CCS: variants seen among roughly 807,000 people sequenced by gnomAD.
The protein encoded by CCS is superoxide dismutase copper chaperone.
A neutral mutation model predicts 35.5 loss-of-function variants in CCS; 32 were observed. The ratio of observed to expected loss-of-function variants is 0.90; its 90% CI spans 0.68 to 1.21. CCS has a LOEUF of 1.21. Ranked by LOEUF, CCS falls within the 50% of genes most tolerant of loss-of-function variation. The probability of loss-of-function intolerance (pLI) is 0.00; values close to 1 mark genes in which losing one functional copy is unlikely to be tolerated. For synonymous variants in CCS, 130 were observed against 147.2 expected, an observed-to-expected ratio of 0.88 and a Z score of 0.84; for missense variants, 342 against 375.4, an observed-to-expected ratio of 0.91 and a Z score of 0.73.
rs549083639 is a variant in CCS, at chr11:66,600,381, TTGAA to T, written c.429-83_429-80del. 2.0e-3 allele frequency: 1,392 copies of T among 689,458 alleles called. 2 individuals are homozygous for T. Among genetic ancestry groups the T allele is most frequent in the South Asian group, 0.011 (426 of 38,800 alleles). The allele number at this position is 689,458 out of a possible 1,614,324, so 42.7% of individuals were successfully genotyped here. On this transcript the variant is annotated intron_variant, in intron 4 of 7. Coordinates refer to ENST00000533244, the MANE Select transcript of CCS (RefSeq NM_005125.2). ...GCCCAGCACAGAGTAGGCCTGTTTG[TTGAA>T]TGAATGAATGAATGAATGAATGAAG...
At chr11:66,594,043 C>G (rs908777293) in intron 2 of CCS, among the ~76,000 whole-genome samples, 3 of 152,162 alleles carry the variant, frequency 2.0e-5, no homozygotes, top group African/African-American at 7.2e-5. Context: ...AACAGCAGCT[C>G]AGGCCCTATA....
intron 2 of CCS, among the ~76,000 whole-genome samples, chr11:66,594,231 C>T (rs1858434488): frequency 6.6e-6 from 1 of 152,046 alleles, no homozygotes; most frequent in Non-Finnish European, 1.5e-5. Context: ...TGGTGGTGGG[C>T]GCCTGTAGTC....
chr11:66,595,903 G>A (rs1858468729), intron 2 of CCS, among the ~76,000 whole-genome samples: 1 of 152,156 alleles, frequency 6.6e-6, no homozygotes, highest in Non-Finnish European at 1.5e-5. Context: ...GAGGGTCTGG[G>A]AACCCTCCTA....
intron 4 of CCS, 131 bp from the exon 5 acceptor site, chr11:66,600,358 C>G (rs1028398734): frequency 5.6e-6 from 3 of 539,308 alleles, no homozygotes; most frequent in Non-Finnish European, 6.3e-6. Context: ...TACCCAAAGC[C>G]CAGCACAGAG....
intron 2 of CCS, among the ~76,000 whole-genome samples, chr11:66,596,677 G>A (rs1254766611): frequency 6.6e-6 from 1 of 152,196 alleles, no homozygotes; most frequent in East Asian, 1.9e-4. Flanking sequence ...ACCGCGCCCG[G>A]CCGACAACTG....
chr11:66,595,781 C>G (rs1858467453), intron 2 of CCS, among the ~76,000 whole-genome samples: 1 of 152,138 alleles, frequency 6.6e-6, no homozygotes, highest in East Asian at 1.9e-4. Flanking sequence ...GGCTGCTTGG[C>G]TAAGGTACCA....
At chr11:66,593,399 G>T in intron 1 of CCS, 99 bp downstream of exon 1, 1 of 1,298,898 alleles carries the variant, frequency 7.7e-7, no homozygotes. Context: ...GGGCACTTGG[G>T]TTGGGGCCTG....
chr11:66,599,778 C>A, intron 4 of CCS, 142 bp downstream of exon 4: 1 of 791,680 alleles, frequency 1.3e-6, no homozygotes, highest in Non-Finnish European at 2.0e-6. Flanking sequence ...AAATGACTTG[C>A]CAAAGGTCCA....
chr11:66,599,183 G>T lies in CCS; in HGVS notation c.180G>T (p.Gln60His), dbSNP rs1565060472. The T allele has an allele frequency of 1.2e-6, 2 of 1,613,780 alleles. No individual in the cohort carries two copies. The highest frequency in any genetic ancestry group is 1.7e-6 in the Non-Finnish European group (2 of 1,179,722). The change falls in exon 3 of 8, where the codon CAG (glutamine) becomes CAT (histidine). Residue 60 changes from glutamine (Q) to histidine (H), a missense_variant. Coordinates refer to ENST00000533244, the MANE Select transcript of CCS (RefSeq NM_005125.2). ...TGGTACACACCACTCTACCCAGCCA[G>T]GAGGTGCAGGCTCTCCTGGAAGGCA... is the stretch of plus-strand genomic sequence containing the variant. The part of the protein sequence containing the change: ...MVLVHTTLPS[Q>H]EVQALLEGTG...
intron 5 of CCS, among the ~76,000 whole-genome samples, chr11:66,602,828 A>G (rs1377515362): frequency 1.3e-5 from 2 of 152,240 alleles, no homozygotes; most frequent in East Asian, 3.8e-4. Context: ...TTAGACAAGG[A>G]AGAACTGAGC....
rs374462395 is a variant in CCS, at chr11:66,598,281, G to A, written c.113-835G>A. On this transcript the variant is annotated intron_variant, in intron 2 of 7. Transcript: ENST00000533244. ...CTTTGGGAGACTGAGGCAGGCAGATGACCTGAGGTCAGGAGTTCGAGAGCA... is the reference window on the plus strand; with the variant it reads ...CTTTGGGAGACTGAGGCAGGCAGATAACCTGAGGTCAGGAGTTCGAGAGCA... 2.0e-5 allele frequency among the ~76,000 whole-genome samples: 3 copies of A among 151,588 alleles called. No individual in the cohort carries two copies. In the South Asian group the frequency reaches 6.3e-4, roughly 32 times the overall value.
At chr11:66,600,878 G>C (rs1858562160) in intron 5 of CCS, among the ~76,000 whole-genome samples, 1 of 152,170 alleles carries the variant, frequency 6.6e-6, no homozygotes. Context: ...TCATCTGCCT[G>C]AGGGGCAGGG....
chr11:66,595,992 C>T (rs919241735), intron 2 of CCS, among the ~76,000 whole-genome samples: 2 of 152,172 alleles, frequency 1.3e-5, no homozygotes, highest in Non-Finnish European at 2.9e-5. Context: ...TCCAGGCCAC[C>T]CCACCTCTCC....
chr11:66,593,650 CG>C lies in CCS; in HGVS notation c.49del (p.Ala17ArgfsTer4). On this transcript the variant is annotated frameshift_variant, in exon 2 of 8. Coordinates refer to ENST00000533244, the MANE Select transcript of CCS (RefSeq NM_005125.2). LOFTEE classifies it high-confidence loss of function. ...NQGTLCTLEF[A>X]VQMTCQSCVD... ...CCCTGCCGCCCTTGCAGTTGGAGTT[CG>C]CGGTGCAGATGACCTGTCAGAGCTG... 1.2e-6 allele frequency: 2 copies of C among 1,613,852 alleles called. No individual in the cohort carries two copies. The highest frequency in any genetic ancestry group is 1.7e-6 in the Non-Finnish European group (2 of 1,179,994).
In CCS at chr11:66,593,572, A is replaced by C. The variant is rs548374979; in HGVS notation, c.40-70A>C. ...CAGACCCTTGCGGTGGTCATAGGGT[A>C]GGTGGTGAAACAAAGTCATACCAAG... On this transcript the variant is annotated intron_variant, in intron 1 of 7. Coordinates refer to ENST00000533244, the MANE Select transcript of CCS (RefSeq NM_005125.2). 1,119 of 1,486,786 alleles carry C rather than the reference A, an allele frequency of 7.5e-4. 1 individual carries two copies. The highest frequency in any genetic ancestry group is 9.7e-4 in the Non-Finnish European group (1,046 of 1,075,674). The allele number at this position is 1,486,786 out of a possible 1,614,324, so 92.1% of individuals were successfully genotyped here. A position where few individuals can be genotyped will look rare whatever the true frequency, so the allele number is the denominator to read the frequency against.
rs901108390 is a variant in CCS, at chr11:66,600,513, T to C, written c.453T>C (p.Asp151=). Residue 151 remains aspartate (D), a synonymous_variant, in exon 5 of 8, where the codon GAT becomes GAC. Coordinates refer to ENST00000533244, the MANE Select transcript of CCS (RefSeq NM_005125.2). Reference sequence around the variant, plus strand: ...GCTGTGGGAATCACTTTAACCCTGATGGAGCATCTCATGGGGGCCCCCAGG... The same window carrying C: ...GCTGTGGGAATCACTTTAACCCTGACGGAGCATCTCATGGGGGCCCCCAGG... The part of the protein sequence containing the change: ...CNSCGNHFNP[D]GASHGGPQDS... 3 of 1,541,910 alleles carry C rather than the reference T, an allele frequency of 1.9e-6. 1 individual carries two copies. Among genetic ancestry groups the C allele is most frequent in the Non-Finnish European group, 2.6e-6 (3 of 1,140,120 alleles).
At chr11:66,601,315 C>A (rs1230025811) in intron 5 of CCS, among the ~76,000 whole-genome samples, 1 of 152,128 alleles carries the variant, frequency 6.6e-6, no homozygotes, top group Non-Finnish European at 1.5e-5. Flanking sequence ...CAGTCTTGAA[C>A]TCCTGACCTC....
chr11:66,599,385 C>T (rs2134981743), intron 3 of CCS, 74 bp from the exon 4 acceptor site: 3 of 1,492,118 alleles, frequency 2.0e-6, no homozygotes, highest in Admixed American at 2.3e-5. Context: ...GTGAGACTCC[C>T]TGCCCTTCCC....
Position 66,593,206 on chromosome 11 carries a change from G to C in CCS, c.-56G>C. On this transcript the variant is annotated 5_prime_UTR_variant, in exon 1 of 8. Coordinates refer to ENST00000533244, the MANE Select transcript of CCS (RefSeq NM_005125.2). Reference sequence around the variant, plus strand: ...GCTCAGTCCCCGCGACGCCGCGCTGGTTGGTGCTCCTGCGCCGGAGGAGTT... The same window carrying C: ...GCTCAGTCCCCGCGACGCCGCGCTGCTTGGTGCTCCTGCGCCGGAGGAGTT... 1 of 1,544,582 alleles carries C rather than the reference G, an allele frequency of 6.5e-7. No homozygotes were observed. Among genetic ancestry groups the C allele is most frequent in the South Asian group, 1.2e-5 (1 of 83,992 alleles).
Sources: allele counts gnomAD v4.1 joint callset (sites outside exome capture counted in the v4.1 genomes callset), GRCh38; gene constraint gnomAD v4.1.1; transcripts MANE v1.5; gene names NCBI Gene and HGNC (gene_info 2026-07-23, HGNC 2026-07-21).